The following PTPRD variants were observed in gnomAD, a reference collection of about 807,000 sequenced individuals.
PTPRD encodes receptor-type tyrosine-protein phosphatase delta.
Under a neutral mutation model 214.5 loss-of-function variants are expected in PTPRD, and 34 were observed. The observed-to-expected ratio is 0.16, with a 90% CI of 0.12 to 0.21. PTPRD has a LOEUF of 0.21. Among genes scored for constraint, PTPRD ranks in the 10% least tolerant of loss-of-function variants. The pLI, the probability that PTPRD is intolerant of heterozygous loss-of-function variation, is 1.00. For synonymous variants in PTPRD, 1,128 were observed against 845.7 expected (o/e 1.33, Z -5.79); for missense variants, 2,545 against 2,398.7 (o/e 1.06, Z -1.27).
chr9:10,491,129 T>C (rs2040079678), intron 2 of PTPRD, among the ~76,000 whole-genome samples: 1 of 152,216 alleles, frequency 6.6e-6, no homozygotes, highest in African/African-American at 2.4e-5. Context: ...ATATCCAGGA[T>C]ATCCTGTGTT....
Position 10,122,500 on chromosome 9 carries a change from G to T in PTPRD, c.-544-88710C>A, listed in dbSNP as rs945718348. ...TTAAGGACAATTGGATGCAGAGAAA[G>T]ACTGGAAGGTTATGAAGAATAAGAA... On this transcript the variant is annotated intron_variant, in intron 3 of 45. Coordinates refer to ENST00000381196, the MANE Select transcript of PTPRD (RefSeq NM_002839.4). Among the ~76,000 whole-genome samples the T allele has an allele frequency of 2.6e-5, 4 of 151,980 alleles. No homozygotes were observed. In the South Asian group the frequency reaches 8.3e-4, roughly 31 times the overall value.
chr9:9,082,435 G>A (rs1397889247), intron 10 of PTPRD, among the ~76,000 whole-genome samples: 1 of 151,972 alleles, frequency 6.6e-6, no homozygotes, highest in East Asian at 1.9e-4. Context: ...AATAAACTAG[G>A]TATTGATGGA....
chr9:8,605,505 T>C lies in PTPRD; in HGVS notation c.352+27812A>G, dbSNP rs553245897. ...AAAAGAGAAGAGCTTCAGTGAAGAC[T>C]CCTCAGTGGTTACAGTCAGAAAACA... is the stretch of plus-strand genomic sequence containing the variant. On this transcript the variant is annotated intron_variant, in intron 14 of 45. Transcript: ENST00000381196. Among the ~76,000 whole-genome samples the C allele has an allele frequency of 1.1e-4, 16 of 152,270 alleles. No homozygotes were observed. In the South Asian group the frequency reaches 3.3e-3, roughly 32 times the overall value.
intron 7 of PTPRD, among the ~76,000 whole-genome samples, chr9:9,666,327 T>C (rs908835013): frequency 6.6e-6 from 1 of 151,978 alleles, no homozygotes; most frequent in Non-Finnish European, 1.5e-5. Context: ...CTATGATATA[T>C]TGTTTATTTT....
At chr9:8,840,144 T>C (rs1307274037) in intron 11 of PTPRD, among the ~76,000 whole-genome samples, 1 of 152,184 alleles carries the variant, frequency 6.6e-6, no homozygotes, top group Non-Finnish European at 1.5e-5. Context: ...ACAACAGTAT[T>C]AGAGCAGTAC....
At chr9:9,922,683 T>A (rs749190519) in intron 5 of PTPRD, among the ~76,000 whole-genome samples, 1 of 152,014 alleles carries the variant, frequency 6.6e-6, no homozygotes, top group Non-Finnish European at 1.5e-5. Flanking sequence ...AAAAAAGTTA[T>A]TGGAAAAGTA....
intron 4 of PTPRD, among the ~76,000 whole-genome samples, chr9:9,969,129 T>C (rs768854677): frequency 6.6e-6 from 1 of 151,982 alleles, no homozygotes; most frequent in Admixed American, 6.6e-5. Context: ...ACTGAGGAAA[T>C]AACAAAGCTA....
In PTPRD at chr9:10,325,759, T is replaced by C. The variant is rs538242546; in HGVS notation, c.-545+15204A>G. ...CATATCATATTCAATAATTAGTTAA[T>C]TGATGCCTGATTTTTCAAAATAATG... On this transcript the variant is annotated intron_variant, in intron 3 of 45. Transcript: ENST00000381196. Among the ~76,000 whole-genome samples the C allele has an allele frequency of 2.0e-4, 30 of 152,056 alleles. No individual in the cohort carries two copies. The East Asian group carries it at 3.5e-3, about 18-fold the overall frequency.
chr9:10,292,648 A>G lies in PTPRD; in HGVS notation c.-545+48315T>C, dbSNP rs1414373320. Among the ~76,000 whole-genome samples, 3 of 152,100 alleles carry G rather than the reference A, an allele frequency of 2.0e-5. No homozygotes were observed. The East Asian group carries it at 5.8e-4, about 29-fold the overall frequency. On this transcript the variant is annotated intron_variant, in intron 3 of 45. Transcript: ENST00000381196. ...GTTGCTACCCAACAAAATCTAGTGA[A>G]ATCAAATGAAATATGTCAAAAACAT... is the stretch of plus-strand genomic sequence containing the variant.
At chr9:9,240,476 G>C (rs1282486253) in intron 9 of PTPRD, among the ~76,000 whole-genome samples, 3 of 152,136 alleles carry the variant, frequency 2.0e-5, no homozygotes, top group South Asian at 2.1e-4. Flanking sequence ...TTCAAGACCA[G>C]CCTGGCCAGC....
chr9:9,484,207 A>G (rs576542913), intron 8 of PTPRD, among the ~76,000 whole-genome samples: 1 of 146,400 alleles, frequency 6.8e-6, no homozygotes, highest in South Asian at 2.1e-4. Flanking sequence ...AATACTATAC[A>G]GCAAAAAAAA....
chr9:9,886,535 G>C (rs1359369155), intron 5 of PTPRD, among the ~76,000 whole-genome samples: 1 of 152,070 alleles, frequency 6.6e-6, no homozygotes, highest in Non-Finnish European at 1.5e-5. Flanking sequence ...GTTCCACAGT[G>C]TATTTTCCAA....
At chr9:9,840,376 T>A (rs539951913) in intron 5 of PTPRD, among the ~76,000 whole-genome samples, 1 of 152,070 alleles carries the variant, frequency 6.6e-6, no homozygotes, top group Non-Finnish European at 1.5e-5. Flanking sequence ...ATTTGAAAAA[T>A]AGACTTTGTT....
chr9:9,802,117 T>C (rs1389980045), intron 5 of PTPRD, among the ~76,000 whole-genome samples: 2 of 152,058 alleles, frequency 1.3e-5, no homozygotes, highest in African/African-American at 2.4e-5. Context: ...GAATATTGTG[T>C]TTCATCTCCT....
chr9:9,257,316 C>T (rs1282808518), intron 9 of PTPRD, among the ~76,000 whole-genome samples: 2 of 151,758 alleles, frequency 1.3e-5, no homozygotes, highest in African/African-American at 4.8e-5. Context: ...TTTACATTTT[C>T]CATATTATGA....
chr9:8,434,932 C>T (rs372684032), intron 35 of PTPRD, among the ~76,000 whole-genome samples: 24 of 152,206 alleles, frequency 1.6e-4, no homozygotes, highest in African/African-American at 2.2e-4. Context: ...AAATAAGCTG[C>T]GACCATTTGA....
At chr9:9,422,883 G>A (rs554400696) in intron 8 of PTPRD, among the ~76,000 whole-genome samples, 7 of 152,240 alleles carry the variant, frequency 4.6e-5, no homozygotes, top group Middle Eastern at 3.4e-3. Context: ...AAAGCTGACT[G>A]GAGCTGCTGG....
At chr9:8,398,286 T>C (rs1043957973) in intron 36 of PTPRD, among the ~76,000 whole-genome samples, 1 of 152,086 alleles carries the variant, frequency 6.6e-6, no homozygotes, top group Non-Finnish European at 1.5e-5. Flanking sequence ...CTATTAATAA[T>C]CCCATTATAC....
chr9:9,080,855 AT>A (rs2099757976), intron 10 of PTPRD, among the ~76,000 whole-genome samples: 1 of 152,070 alleles, frequency 6.6e-6, no homozygotes, highest in South Asian at 2.1e-4. Flanking sequence ...CCCCTTTATC[AT>A]TTTTTATTGC....
Sources: allele counts gnomAD v4.1 joint callset (sites outside exome capture counted in the v4.1 genomes callset), GRCh38; gene constraint gnomAD v4.1.1; transcripts MANE v1.5; gene names NCBI Gene and HGNC (gene_info 2026-07-23, HGNC 2026-07-21).